PRPF8: variants seen among roughly 807,000 people sequenced by gnomAD.
PRPF8 encodes the protein pre-mRNA processing factor 8.
In PRPF8, 64 loss-of-function variants were observed where a neutral mutation model predicts 285.9. That is an observed-to-expected ratio of 0.22 (90% CI 0.18 to 0.28). The LOEUF (loss-of-function observed/expected upper bound fraction) is 0.28, where lower values mean the gene tolerates loss of function less well. PRPF8 is among the 10% of genes least tolerant of loss of function. The pLI is 1.00. For synonymous variants in PRPF8, 1,325 were observed against 1,118.2 expected (o/e 1.18, Z -3.69); for missense variants, 1,426 against 3,026.7 (o/e 0.47, Z 12.41).
At chr17:1,674,091 C>G (rs939420726) in intron 21 of PRPF8, among the ~76,000 whole-genome samples, 199 bp from the exon 22 acceptor site, 1 of 152,130 alleles carries the variant, frequency 6.6e-6, no homozygotes, top group African/African-American at 2.4e-5. Context: ...GGCGCAATCC[C>G]GGCTCACTGC....
chr17:1,657,829 G>A (rs1439176000), intron 34 of PRPF8, among the ~76,000 whole-genome samples: 1 of 150,656 alleles, frequency 6.6e-6, no homozygotes, highest in Admixed American at 6.7e-5. Context: ...AAATTAGCCA[G>A]GCGTGGTGGC....
intron 21 of PRPF8, 130 bp downstream of exon 21, chr17:1,674,312 G>A (rs921728691): frequency 6.2e-5 from 61 of 980,354 alleles, no homozygotes; most frequent in South Asian, 3.1e-4. Flanking sequence ...GTGAGCTACC[G>A]CACCCGGCCG....
Position 1,674,431 on chromosome 17 carries a change from A to G in PRPF8, c.3299+11T>C, listed in dbSNP as rs566546965. On this transcript the variant is annotated intron_variant, in intron 21 of 42. Coordinates refer to ENST00000304992, the MANE Select transcript of PRPF8 (RefSeq NM_006445.4). ...TACCCTGCAAGGCTAGGAATCCAGG[A>G]AAGCCCTCACCTGAAAAAAATATGG... 6.2e-7 allele frequency: 1 copy of G among 1,612,884 alleles called. No homozygotes were observed. The highest frequency in any genetic ancestry group is 1.3e-5 in the African/African-American group (1 of 75,016).
rs766311612 is a variant in PRPF8, at chr17:1,679,182, G to T, written c.1434C>A (p.Ala478=). 6.2e-7 allele frequency: 1 copy of T among 1,614,178 alleles called. No homozygotes were observed. Among genetic ancestry groups the T allele is most frequent in the Non-Finnish European group, 8.5e-7 (1 of 1,180,044 alleles). The change falls in exon 11 of 43, where the codon GCC becomes GCA. Residue 478 remains alanine, a synonymous_variant. Coordinates refer to ENST00000304992, the MANE Select transcript of PRPF8 (RefSeq NM_006445.4). This position sits in a 1 kb window ranked among gnomAD's most constrained non-coding sequence, Gnocchi z 4.7. ...KKRYLFRSFK[A]TKFFQSTKLD... is the part of the protein sequence containing the mutation. ...GCTTTGTGGACTGAAAGAATTTGGT[G>T]GCTTTGAAGGAGCGGAACAAATACC...
chr17:1,674,006 G>A (rs528274541), intron 21 of PRPF8, 114 bp from the exon 22 acceptor site: 36 of 1,127,608 alleles, frequency 3.2e-5, no homozygotes, highest in Middle Eastern at 5.7e-4. Context: ...CACCCTCCCC[G>A]GGCTTCATTC....
intron 8 of PRPF8, chr17:1,680,460 A>AAC: frequency 1.8e-6 from 1 of 556,654 alleles, no homozygotes. Flanking sequence ...AAAACAAACA[A>AAC]ACACAATAGA....
At position 1,673,017 on chromosome 17, in the gene PRPF8, G is replaced by C; in HGVS notation, c.3774+64C>G. Reference sequence around the variant, plus strand: ...GCAGCCAGCAGGGGACGAAGTGAAAGGGGTGTGAAATGAGCAGAGGACAGC... The same window carrying C: ...GCAGCCAGCAGGGGACGAAGTGAAACGGGTGTGAAATGAGCAGAGGACAGC... On this transcript the variant is annotated intron_variant, in intron 24 of 42. Transcript: ENST00000304992. The surrounding 1 kb of genome is among the most constrained non-coding windows in gnomAD (Gnocchi z 5.5). 1 of 1,439,808 alleles carries C rather than the reference G, an allele frequency of 6.9e-7. No individual in the cohort carries two copies. The highest frequency in any genetic ancestry group is 9.8e-7 in the Non-Finnish European group (1 of 1,020,988). The allele number at this position is 1,439,808 out of a possible 1,614,324, so 89.2% of individuals were successfully genotyped here. A position where few individuals can be genotyped will look rare whatever the true frequency, so the allele number is the denominator to read the frequency against.
rs1311513146 is a variant in PRPF8 at position 1,651,817 on chromosome 17, CTCT to C, written c.6370-32_6370-30del. 3.1e-6 allele frequency: 5 copies of C among 1,612,682 alleles called. No homozygotes were observed. The highest frequency in any genetic ancestry group is 2.2e-5 in the East Asian group (1 of 44,894). The stretch of plus-strand genomic sequence containing the variant: ...GAGACAAAGGGGTCAGGAACCAAAA[CTCT>C]TCTTAGTACCAGGTCAGAGTTGGAG... On this transcript the variant is annotated intron_variant, in intron 39 of 42. Transcript: ENST00000304992. The surrounding 1 kb of genome is among the most constrained non-coding windows in gnomAD (Gnocchi z 5.1).
chr17:1,676,269 G>A lies in PRPF8; in HGVS notation c.2490C>T (p.Leu830=), dbSNP rs1263624927. Residue 830 remains leucine (L), a synonymous_variant, in exon 17 of 43, where the codon CTC becomes CTT. Coordinates refer to ENST00000304992, the MANE Select transcript of PRPF8 (RefSeq NM_006445.4). The surrounding 1 kb of genome is among the most constrained non-coding windows in gnomAD (Gnocchi z 6.3). ...RRFSPIPFPP[L]SYKHDTKLLI... is the part of the protein sequence containing the mutation. ...GCAACTTGGTGTCATGCTTATAGGA[G>A]AGTGGGGGGAATGGGATGGGTGAAA... 2 of 1,614,094 alleles carry A rather than the reference G, an allele frequency of 1.2e-6. No individual in the cohort carries two copies. The highest frequency in any genetic ancestry group is 2.2e-5 in the South Asian group (2 of 91,082).
In PRPF8 at chr17:1,671,883, T is replaced by C. The variant is rs575821296; in HGVS notation, c.3774+1198A>G. On this transcript the variant is annotated intron_variant, in intron 24 of 42. Transcript: ENST00000304992. ...AAAAAAAAAAAAAAAAAATTAAAAA[T>C]TAGCCAGGCATGGTGGCGTATGCAC... is the stretch of plus-strand genomic sequence containing the variant. 8.3e-4 allele frequency among the ~76,000 whole-genome samples: 122 copies of C among 146,384 alleles called. 1 individual carries two copies. The highest frequency in any genetic ancestry group is 3.0e-3 in the African/African-American group (117 of 39,058).
In PRPF8 at chr17:1,678,621, TGGGCAAATATATA is replaced by T; in HGVS notation, c.1738_1750del (p.Tyr580MetfsTer5). 1 of 1,614,226 alleles carries T rather than the reference TGGGCAAATATATA, an allele frequency of 6.2e-7. No individual in the cohort carries two copies. The highest frequency in any genetic ancestry group is 8.5e-7 in the Non-Finnish European group (1 of 1,180,042). ...ATACATGCCCGTCAACTGCCCAACA[TGGGCAAATATATA>T]CTGCAATCCATCTGCCAGCTGCAAT... On this transcript the variant is annotated frameshift_variant, in exon 13 of 43. Transcript: ENST00000304992. LOFTEE classifies it high-confidence loss of function.
At chr17:1,681,180 A>G in intron 6 of PRPF8, 126 bp from the exon 7 acceptor site, 1 of 1,074,424 alleles carries the variant, frequency 9.3e-7, no homozygotes, top group Non-Finnish European at 1.4e-6. Flanking sequence ...CTGGGCTCAA[A>G]CAATCCTCCC....
At position 1,679,219 on chromosome 17, in the gene PRPF8, C is replaced by T; in HGVS notation, c.1410-13G>A. On this transcript the variant is annotated splice_polypyrimidine_tract_variant and intron_variant, in intron 10 of 42. Transcript: ENST00000304992. The surrounding 1 kb of genome is among the most constrained non-coding windows in gnomAD (Gnocchi z 4.7). ...GCGGAACAAATACCTGAGGTGGGAA[C>T]ATGGAGAGTAAGAGTCAGCCTACTG... The T allele has an allele frequency of 6.2e-7, 1 of 1,614,178 alleles. No individual in the cohort carries two copies. The highest frequency in any genetic ancestry group is 8.5e-7 in the Non-Finnish European group (1 of 1,180,030).
chr17:1,657,536 C>T (rs1261570668), intron 34 of PRPF8, among the ~76,000 whole-genome samples: 2 of 150,162 alleles, frequency 1.3e-5, no homozygotes, highest in African/African-American at 2.5e-5. Flanking sequence ...GTCCCAGCTA[C>T]TCGGGAGGCT....
At chr17:1,667,170 CTCA>C (rs1301631633) in intron 24 of PRPF8, among the ~76,000 whole-genome samples, 8 of 139,036 alleles carry the variant, frequency 5.8e-5, no homozygotes, top group African/African-American at 2.3e-4. Flanking sequence ...AAGACTCCCT[CTCA>C]AAAAAAAAAA....
At position 1,675,435 on chromosome 17, in the gene PRPF8, T is replaced by C. The variant is rs1912559495; in HGVS notation, c.2873-96A>G. The C allele has an allele frequency of 6.7e-7, 1 of 1,488,810 alleles. No homozygotes were observed. Among genetic ancestry groups the C allele is most frequent in the Non-Finnish European group, 9.3e-7 (1 of 1,070,006 alleles). 92.2% of individuals were successfully genotyped at this position (1,488,810 alleles called of 1,614,324 possible). On this transcript the variant is annotated intron_variant, in intron 19 of 42. Transcript: ENST00000304992. The surrounding 1 kb of genome is among the most constrained non-coding windows in gnomAD (Gnocchi z 6.0). ...CATTACCTTCCATAACCAATCCCAC[T>C]ATGATTCCACGTATTCATTTGGATT...
chr17:1,680,518 A>G lies in PRPF8; in HGVS notation c.1098+208T>C, dbSNP rs1043325829. 4 of 631,610 alleles carry G rather than the reference A, an allele frequency of 6.3e-6. No individual in the cohort carries two copies. The African/African-American group carries it at 7.3e-5, about 12-fold the overall frequency. The allele number at this position is 631,610 out of a possible 1,614,324, so 39.1% of individuals were successfully genotyped here. A position where few individuals can be genotyped will look rare whatever the true frequency, so the allele number is the denominator to read the frequency against. ...AGAGCACCCAAGAAAAGAACCGTAA[A>G]GTCCAAAAGGATAATCACAGAAAAC... On this transcript the variant is annotated intron_variant, in intron 8 of 42. Transcript: ENST00000304992.
At chr17:1,684,604 A>C (rs1167829482) in intron 1 of PRPF8, 22 bp from the exon 2 acceptor site, 2 of 1,608,482 alleles carry the variant, frequency 1.2e-6, no homozygotes, top group South Asian at 2.2e-5. Flanking sequence ...CGGGATAGAA[A>C]AATTCACTAA....
rs1912447038 is a variant in PRPF8 at position 1,673,624 on chromosome 17, G to A, written c.3447-57C>T. 10 of 1,612,210 alleles carry A rather than the reference G, an allele frequency of 6.2e-6. No homozygotes were observed. The highest frequency in any genetic ancestry group is 1.1e-5 in the South Asian group (1 of 91,000). ...TTCTTGGAAGGAACTTCCCTTCAAA[G>A]GCCAACTGATGACATCCTGACACAG... On this transcript the variant is annotated intron_variant, in intron 22 of 42. Transcript: ENST00000304992. The surrounding 1 kb of genome is among the most constrained non-coding windows in gnomAD (Gnocchi z 5.5).
Sources: allele counts gnomAD v4.1 joint callset (sites outside exome capture counted in the v4.1 genomes callset), GRCh38; gene constraint gnomAD v4.1.1; non-coding constraint Gnocchi (gnomAD v3.1); transcripts MANE v1.5; gene names NCBI Gene and HGNC (gene_info 2026-07-23, HGNC 2026-07-21).